PDK3: variants seen among roughly 807,000 people sequenced by gnomAD.
PDK3 encodes the protein pyruvate dehydrogenase kinase, isozyme 3.
A neutral mutation model predicts 32.0 loss-of-function variants in PDK3; 12 were observed. The ratio of observed to expected loss-of-function variants is 0.37; its 90% CI spans 0.24 to 0.61. The LOEUF (loss-of-function observed/expected upper bound fraction) is 0.61, where lower values mean the gene tolerates loss of function less well. PDK3 is among the 20% of genes least tolerant of loss of function. PDK3 has a pLI of 0.65. For synonymous variants in PDK3, 122 were observed against 116.3 expected (o/e 1.05, Z -0.31); for missense variants, 188 against 316.9 (o/e 0.59, Z 3.09).
exon 12 of PDK3, chrX:24,548,300 C>T (rs1453727703): frequency 8.9e-6 from 1 of 112,283 alleles, no homozygotes. Flanking sequence ...CTGAGATTTT[C>T]ACAGAACAAC....
At chrX:24,512,869 G>C (rs1166799328) in intron 5 of PDK3, among the ~76,000 whole-genome samples, 1 of 111,485 alleles carries the variant, frequency 9.0e-6, no homozygotes, top group African/African-American at 3.3e-5. Context: ...CTCTGTGCCT[G>C]CTCCTTTACC....
At chrX:24,465,588 G>C in intron 1 of PDK3, 27 bp downstream of exon 1, 2 of 1,041,686 alleles carry the variant, frequency 1.9e-6, no homozygotes, top group Non-Finnish European at 2.6e-6. Context: ...GGGTCCCCAT[G>C]GGCCCGGGGC....
exon 12 of PDK3, among the ~76,000 whole-genome samples, chrX:24,540,519 A>G (rs1268321516): frequency 8.9e-6 from 1 of 112,023 alleles, no homozygotes; most frequent in East Asian, 2.8e-4. Flanking sequence ...TCTCCCTGAG[A>G]TGAGGTGTGC....
At position 24,543,045 on chromosome X, in the gene PDK3, A is replaced by C. The variant is rs144619504; in HGVS notation, c.*3881A>C. Among the ~76,000 whole-genome samples, 174 of 111,707 alleles carry C rather than the reference A, an allele frequency of 1.6e-3. 1 individual carries two copies. Among genetic ancestry groups the C allele is most frequent in the African/African-American group, 5.5e-3 (170 of 30,745 alleles). On this transcript the variant is annotated 3_prime_UTR_variant, in exon 12 of 12. Transcript: ENST00000568479. Reference sequence around the variant, plus strand: ...ATGGATTTTTCTTCCCCTTTTGTAGATGACCTGATTGTTTGCCCTGGATAC... The same window carrying C: ...ATGGATTTTTCTTCCCCTTTTGTAGCTGACCTGATTGTTTGCCCTGGATAC...
At chrX:24,540,397 G>T (rs920448199) in exon 12 of PDK3, among the ~76,000 whole-genome samples, 3 of 111,691 alleles carry the variant, frequency 2.7e-5, no homozygotes, top group African/African-American at 9.8e-5. Context: ...AGTCCAATTT[G>T]TAAGTGTTGA....
chrX:24,465,347 G>A lies in PDK3; in HGVS notation c.-109G>A. 1 of 481,657 alleles carries A rather than the reference G, an allele frequency of 2.1e-6. No individual in the cohort carries two copies. The highest frequency in any genetic ancestry group is 4.7e-5 in the South Asian group (1 of 21,393). 39.7% of individuals were successfully genotyped at this position (481,657 alleles called of 1,213,427 possible). On this transcript the variant is annotated 5_prime_UTR_variant, in exon 1 of 11. Transcript: ENST00000379162. ...CACCGGCGGCGCCGAGGCCGAGATC[G>A]AGGCCGGGGTGCGCGCTTCGCAAAC... is the stretch of plus-strand genomic sequence containing the variant.
chrX:24,523,031 T>C (rs945074283), intron 6 of PDK3, among the ~76,000 whole-genome samples: 9 of 112,002 alleles, frequency 8.0e-5, no homozygotes, highest in Admixed American at 5.7e-4. Context: ...TTTAGGCTGC[T>C]ATAACAAAAA....
At chrX:24,481,055 T>C (rs7049712) in intron 1 of PDK3, among the ~76,000 whole-genome samples, 5 of 109,321 alleles carry the variant, frequency 4.6e-5, no homozygotes, top group African/African-American at 1.0e-4. Flanking sequence ...TTTTCTTTTT[T>C]TTTTTTTTGA....
intron 3 of PDK3, among the ~76,000 whole-genome samples, chrX:24,502,931 C>T (rs1035985213): frequency 8.9e-6 from 1 of 112,042 alleles, no homozygotes; most frequent in Admixed American, 9.5e-5. Context: ...TTAATCAGTC[C>T]TTGGAGATTT....
intron 1 of PDK3, among the ~76,000 whole-genome samples, chrX:24,479,624 A>G (rs918157742): frequency 1.8e-5 from 2 of 110,436 alleles, no homozygotes; most frequent in African/African-American, 6.6e-5. Flanking sequence ...TCTCTAATAA[A>G]ATACAAAAAA....
Position 24,490,561 on chromosome X carries a change from C to A in PDK3, c.107-4181C>A, listed in dbSNP as rs1015523677. On this transcript the variant is annotated intron_variant, in intron 1 of 10. Coordinates refer to ENST00000379162, the MANE Select transcript of PDK3 (RefSeq NM_005391.5). ...TTTTCATATATTTGCTGCCACAACT[C>A]ATTTTGTGGCAAAACCAGACCTGAA... Among the ~76,000 whole-genome samples the A allele has an allele frequency of 1.3e-4, 14 of 111,786 alleles. No homozygotes were observed. In the South Asian group the frequency reaches 2.2e-3, roughly 18 times the overall value.
intron 3 of PDK3, among the ~76,000 whole-genome samples, chrX:24,501,273 A>G (rs1423584122): frequency 8.9e-6 from 1 of 112,442 alleles, no homozygotes; most frequent in Non-Finnish European, 1.9e-5. Context: ...AACATTATAG[A>G]TCTACACCAT....
At chrX:24,489,826 TAGAG>T (rs1337151831) in intron 1 of PDK3, among the ~76,000 whole-genome samples, 1 of 111,775 alleles carries the variant, frequency 8.9e-6, no homozygotes, top group Non-Finnish European at 1.9e-5. Flanking sequence ...CTATGGGGGA[TAGAG>T]AGACAGATAA....
chrX:24,487,403 T>C (rs1921429209), intron 1 of PDK3, among the ~76,000 whole-genome samples: 1 of 111,566 alleles, frequency 9.0e-6, no homozygotes, highest in Non-Finnish European at 1.9e-5. Context: ...TGGGCGCGGG[T>C]TGAAAAACTA....
chrX:24,489,703 GA>G (rs1241227562), intron 1 of PDK3, among the ~76,000 whole-genome samples: 10 of 83,600 alleles, frequency 1.2e-4, no homozygotes, highest in Non-Finnish European at 1.7e-4. Context: ...AAAAAAAAAA[GA>G]AAAAAAAAGA....
At chrX:24,478,912 C>T (rs1188502228) in intron 1 of PDK3, among the ~76,000 whole-genome samples, 3 of 112,191 alleles carry the variant, frequency 2.7e-5, no homozygotes, top group Non-Finnish European at 5.6e-5. Context: ...AATAGTCTCA[C>T]TGTTGGGAAG....
chrX:24,499,269 A>C (rs766791739), intron 3 of PDK3, among the ~76,000 whole-genome samples: 1 of 111,479 alleles, frequency 9.0e-6, no homozygotes, highest in South Asian at 3.8e-4. Context: ...TTAAAAAAAA[A>C]ATTTCAATAG....
At chrX:24,535,102 A>C (rs1922741847), downstream of PDK3, among the ~76,000 whole-genome samples, 1 of 112,936 alleles carries the variant, frequency 8.9e-6, no homozygotes, top group Non-Finnish European at 1.9e-5. Flanking sequence ...TTTTCTTCTG[A>C]CTATGTACCC....
At chrX:24,491,575 A>AT (rs1220405981) in intron 1 of PDK3, among the ~76,000 whole-genome samples, 1 of 110,636 alleles carries the variant, frequency 9.0e-6, no homozygotes, top group Admixed American at 9.7e-5. Flanking sequence ...AGGGTAGGGG[A>AT]TTTTCACTAA....
Sources: allele counts gnomAD v4.1 joint callset (sites outside exome capture counted in the v4.1 genomes callset), GRCh38; gene constraint gnomAD v4.1.1; transcripts MANE v1.5; gene names NCBI Gene and HGNC (gene_info 2026-07-23, HGNC 2026-07-21).